MAP3K9: variants seen among roughly 807,000 people sequenced by gnomAD.
MAP3K9 encodes mitogen-activated protein kinase kinase kinase 9, also known as mixed lineage kinase 1 (tyr and ser/thr specificity).
A neutral mutation model predicts 95.8 loss-of-function variants in MAP3K9; 46 were observed. That is an observed-to-expected ratio of 0.48 (90% confidence interval 0.38 to 0.61). The LOEUF (loss-of-function observed/expected upper bound fraction) is 0.61, where lower values mean the gene tolerates loss of function less well. Ranked by LOEUF, MAP3K9 falls within the 20% of genes least tolerant of loss-of-function variation. The pLI is 0.00. For missense variants in MAP3K9, 1,296 were observed against 1,474.3 expected, an observed-to-expected ratio of 0.88 and a Z score of 1.98; for synonymous variants, 533 against 593.8, an observed-to-expected ratio of 0.90 and a Z score of 1.49.
intron 2 of MAP3K9, among the ~76,000 whole-genome samples, chr14:70,762,942 T>C (rs1006017296): frequency 1.3e-5 from 2 of 152,246 alleles, no homozygotes; most frequent in East Asian, 1.9e-4. Flanking sequence ...TTCTTTTGCA[T>C]GTGGCTATGC....
intron 2 of MAP3K9, among the ~76,000 whole-genome samples, chr14:70,795,159 A>AT (rs935979975): frequency 5.3e-5 from 8 of 149,572 alleles, no homozygotes; most frequent in African/African-American, 9.9e-5. Context: ...ACGTTCGGCT[A>AT]TTTTTTTTGT....
At chr14:70,749,777 G>T in intron 4 of MAP3K9, 156 bp downstream of exon 4, 1 of 801,674 alleles carries the variant, frequency 1.2e-6, no homozygotes, top group African/African-American at 1.7e-5. Context: ...ATGTCATCTT[G>T]AAGAAGCCTT....
Position 70,730,509 on chromosome 14 carries a change from C to G in MAP3K9, c.3186G>C (p.Pro1062=). The part of the protein sequence containing the change: ...LLPFQAGPLP[P]TERTLLDLDA... ...CCAGGTCCAGGAGCGTCCGCTCAGT[C>G]GGGGGCAGCGGCCCTGCCTGGAACG... Residue 1062 remains proline (P), a synonymous_variant, in exon 12 of 12, where the codon CCG becomes CCC. Transcript: ENST00000554752. 1.2e-6 allele frequency: 2 copies of G among 1,613,968 alleles called. No individual in the cohort carries two copies. Among genetic ancestry groups the G allele is most frequent in the Non-Finnish European group, 1.7e-6 (2 of 1,180,030 alleles).
chr14:70,800,963 T>C lies in MAP3K9; in HGVS notation c.524A>G (p.His175Arg), dbSNP rs763271384. ...CTGGCTGATGTCCTCATCAGGGTCG[T>C]GGCGAGCTGCTTTCACAGCAACCTC... ...GDEVAVKAAR[H>R]DPDEDISQTI... Residue 175 changes from histidine (H) to arginine (R), a missense_variant, in exon 2 of 12, where the codon CAC (histidine) becomes CGC (arginine). This residue lies in a region of MAP3K9 where 338 missense variants were observed against 363.4 expected (regional missense o/e 0.93). Coordinates refer to ENST00000554752, the MANE Select transcript of MAP3K9 (RefSeq NM_001284230.2). 26 of 1,614,092 alleles carry C rather than the reference T, an allele frequency of 1.6e-5. No homozygotes were observed. The highest frequency in any genetic ancestry group is 2.0e-5 in the Non-Finnish European group (24 of 1,180,044).
chr14:70,783,445 G>A (rs2054707876), intron 2 of MAP3K9: 1 of 965,242 alleles, frequency 1.0e-6, no homozygotes. Flanking sequence ...CCTCCCAAAA[G>A]AGCTCCTGAA....
chr14:70,770,593 G>C (rs1043958767), intron 2 of MAP3K9, among the ~76,000 whole-genome samples: 1 of 152,162 alleles, frequency 6.6e-6, no homozygotes, highest in Non-Finnish European at 1.5e-5. Context: ...AGGGCAAGGA[G>C]GGGCGACAGA....
rs149989911 is a variant in MAP3K9 at position 70,769,537 on chromosome 14, G to T, written c.821-8355C>A. On this transcript the variant is annotated intron_variant, in intron 2 of 11. Coordinates refer to ENST00000554752, the MANE Select transcript of MAP3K9 (RefSeq NM_001284230.2). ...AGAAACTGGGTGGCTCAAAACAATA[G>T]AAATTATTCTCTCACAGTTCTGGAG... 9.9e-3 allele frequency among the ~76,000 whole-genome samples: 1,505 copies of T among 152,294 alleles called. 11 individuals carry two copies. Among genetic ancestry groups the T allele is most frequent in the African/African-American group, 0.027 (1,133 of 41,564 alleles).
intron 2 of MAP3K9, among the ~76,000 whole-genome samples, chr14:70,778,114 T>G (rs1036726550): frequency 6.6e-6 from 1 of 152,106 alleles, no homozygotes; most frequent in African/African-American, 2.4e-5. Context: ...GTTGTTGTTG[T>G]TGTTTTGAGA....
chr14:70,771,981 A>G (rs1201392675), intron 2 of MAP3K9, among the ~76,000 whole-genome samples: 2 of 152,212 alleles, frequency 1.3e-5, no homozygotes, highest in Non-Finnish European at 2.9e-5. Context: ...GCCGCTGTGC[A>G]TCCCCCAGCT....
Position 70,808,804 on chromosome 14 carries a change from G to C in MAP3K9, c.368C>G (p.Pro123Arg). The change falls in exon 1 of 12, where the codon CCC (proline) becomes CGC (arginine). Residue 123 changes from proline (P) to arginine (R), a missense_variant. This residue lies in a region of MAP3K9 where 338 missense variants were observed against 363.4 expected (regional missense o/e 0.93). Coordinates refer to ENST00000554752, the MANE Select transcript of MAP3K9 (RefSeq NM_001284230.2). ...PRSAFSSRCQ[P>R]GGEDPSCYPP... The stretch of plus-strand genomic sequence containing the variant: ...GTAGCAACTGGGGTCCTCGCCGCCG[G>C]GCTGGCAGCGGCTGGAGAAGGCGCT... 1 of 1,593,020 alleles carries C rather than the reference G, an allele frequency of 6.3e-7. No individual in the cohort carries two copies. The highest frequency in any genetic ancestry group is 8.5e-7 in the Non-Finnish European group (1 of 1,172,810).
intron 3 of MAP3K9, among the ~76,000 whole-genome samples, chr14:70,750,453 T>C (rs745958958): frequency 1.3e-5 from 2 of 152,174 alleles, no homozygotes; most frequent in Non-Finnish European, 2.9e-5. Flanking sequence ...CCAATGGCCA[T>C]AGCTCTTTCA....
At chr14:70,796,214 A>C (rs1044564761) in intron 2 of MAP3K9, among the ~76,000 whole-genome samples, 3 of 152,210 alleles carry the variant, frequency 2.0e-5, no homozygotes, top group Non-Finnish European at 4.4e-5. Context: ...GCTAACTATC[A>C]TGTAACTGGT....
At chr14:70,796,732 G>A (rs1474654637) in intron 2 of MAP3K9, among the ~76,000 whole-genome samples, 1 of 152,192 alleles carries the variant, frequency 6.6e-6, no homozygotes, top group African/African-American at 2.4e-5. Flanking sequence ...CTTCAGGCCT[G>A]TGACTTGGAC....
Position 70,809,022 on chromosome 14 carries a change from G to C in MAP3K9, c.150C>G (p.Cys50Trp), listed in dbSNP as rs746310894. 6.6e-7 allele frequency: 1 copy of C among 1,505,914 alleles called. No homozygotes were observed. The highest frequency in any genetic ancestry group is 1.3e-5 in the South Asian group (1 of 78,128). The allele number at this position is 1,505,914 out of a possible 1,614,324, so 93.3% of individuals were successfully genotyped here. ...AAAVGPGELGCDAPLPYWTAV... is the reference protein window; with the variant it reads ...AAAVGPGELGWDAPLPYWTAV... The stretch of plus-strand genomic sequence containing the variant: ...CCGTCCAGTAGGGCAGCGGCGCGTC[G>C]CAGCCCAGCTCCCCGGGGCCCACCG... Residue 50 changes from cysteine to tryptophan, a missense_variant, in exon 1 of 12, where the codon TGC (cysteine) becomes TGG (tryptophan). Around this residue, in one of 5 missense-constraint regions of MAP3K9, gnomAD observed 338 missense variants for 363.4 expected, o/e 0.93. Transcript: ENST00000554752.
intron 11 of MAP3K9, among the ~76,000 whole-genome samples, chr14:70,731,263 T>G (rs1391169101): frequency 6.6e-6 from 1 of 151,778 alleles, no homozygotes; most frequent in Non-Finnish European, 1.5e-5. Flanking sequence ...TTGGGCAACA[T>G]GATGAAACCC....
chr14:70,785,458 T>C (rs1325592533), intron 2 of MAP3K9, among the ~76,000 whole-genome samples: 1 of 152,198 alleles, frequency 6.6e-6, no homozygotes, highest in Non-Finnish European at 1.5e-5. Context: ...AACTATACTA[T>C]AAGAAAAGTT....
At chr14:70,762,157 A>C (rs2054384690) in intron 2 of MAP3K9, among the ~76,000 whole-genome samples, 1 of 152,234 alleles carries the variant, frequency 6.6e-6, no homozygotes, top group Non-Finnish European at 1.5e-5. Flanking sequence ...ACTGATAGAC[A>C]CATGGGTTGT....
intron 1 of MAP3K9, among the ~76,000 whole-genome samples, chr14:70,803,328 T>C (rs1284232823): frequency 1.2e-5 from 1 of 84,276 alleles, no homozygotes; most frequent in African/African-American, 4.8e-5. Flanking sequence ...ATAAACCAAA[T>C]TCAGATCTTA....
At chr14:70,797,712 C>T (rs979375921) in intron 2 of MAP3K9, among the ~76,000 whole-genome samples, 7 of 152,070 alleles carry the variant, frequency 4.6e-5, no homozygotes, top group Non-Finnish European at 8.8e-5. Context: ...GCCCGGGTGA[C>T]AAAGTGAGAC....
Sources: gnomAD v4.1 joint callset for allele counts (sites outside exome capture counted in the v4.1 genomes callset) on GRCh38, gnomAD v4.1.1 for gene constraint, gnomAD v4.1.1 regional missense constraint, MANE v1.5 for transcripts, NCBI Gene and HGNC (gene_info 2026-07-23, HGNC 2026-07-21) for gene names.